Variants in IP6K1 observed in about 807,000 individuals in gnomAD.
IP6K1 encodes the protein ATP:1D-myo-inositol-hexakisphosphate phosphotransferase.
Under a neutral mutation model 38.3 loss-of-function variants are expected in IP6K1, and 13 were observed. That is an observed-to-expected ratio of 0.34 (90% confidence interval 0.22 to 0.54). IP6K1 has a LOEUF of 0.54. IP6K1 is among the 20% of genes least tolerant of loss of function. IP6K1 has a pLI of 0.92. For missense variants in IP6K1, 397 were observed against 599.8 expected (o/e 0.66, Z 3.53); for synonymous variants, 212 against 229.9 (o/e 0.92, Z 0.70).
chr3:49,766,822 G>A (rs908877442), intron 1 of IP6K1, among the ~76,000 whole-genome samples: 9 of 150,662 alleles, frequency 6.0e-5, no homozygotes, highest in Non-Finnish European at 3.0e-5. Context: ...AAAAATTAGC[G>A]GGCATGGTGG....
At chr3:49,752,552 G>A (rs1023368890) in intron 1 of IP6K1, among the ~76,000 whole-genome samples, 4 of 150,260 alleles carry the variant, frequency 2.7e-5, no homozygotes, top group South Asian at 2.1e-4. Context: ...TGTGAGTTTC[G>A]CTCTTGTTGC....
chr3:49,744,332 G>T (rs916313847), intron 2 of IP6K1, among the ~76,000 whole-genome samples: 2 of 149,732 alleles, frequency 1.3e-5, no homozygotes, highest in Non-Finnish European at 3.0e-5. Flanking sequence ...AACCCGGGGG[G>T]CAGAGCTTGC....
intron 1 of IP6K1, among the ~76,000 whole-genome samples, chr3:49,749,830 CTTTT>C (rs35363121): frequency 1.1e-4 from 12 of 109,622 alleles, no homozygotes; most frequent in East Asian, 5.6e-4. Context: ...ACATACACTT[CTTTT>C]TTTTTTTTTT....
intron 1 of IP6K1, among the ~76,000 whole-genome samples, chr3:49,765,958 C>T (rs1401286851): frequency 2.6e-5 from 4 of 151,678 alleles, no homozygotes; most frequent in African/African-American, 9.7e-5. Context: ...GGGCAGATGA[C>T]GAGGTCAGGA....
chr3:49,730,807 CTT>C (rs1480313651), intron 4 of IP6K1, among the ~76,000 whole-genome samples: 2 of 152,144 alleles, frequency 1.3e-5, no homozygotes, highest in African/African-American at 4.8e-5. Flanking sequence ...ACCTCCGCCT[CTT>C]GAGTTCAAAT....
At chr3:49,728,438 C>T in intron 4 of IP6K1, 160 bp from the exon 5 acceptor site, 4 of 620,772 alleles carry the variant, frequency 6.4e-6, no homozygotes. Flanking sequence ...TATTACTTAA[C>T]CAATAAAAAC....
At chr3:49,752,488 CA>C (rs56885374) in intron 1 of IP6K1, among the ~76,000 whole-genome samples, 17 of 141,742 alleles carry the variant, frequency 1.2e-4, no homozygotes, top group Non-Finnish European at 1.5e-4. Context: ...GACTCCATCT[CA>C]AAAAAAAAAA....
At chr3:49,740,013 A>G (rs1473369638) in intron 2 of IP6K1, among the ~76,000 whole-genome samples, 1 of 152,050 alleles carries the variant, frequency 6.6e-6, no homozygotes, top group African/African-American at 2.4e-5. Context: ...AAAATAAAAT[A>G]AAAATAAAAT....
chr3:49,766,984 A>AG (rs1559713238), intron 1 of IP6K1, among the ~76,000 whole-genome samples: 8 of 145,762 alleles, frequency 5.5e-5, no homozygotes, highest in East Asian at 1.9e-4. Flanking sequence ...AAAAAAAAAA[A>AG]AAAGAAAGAA....
chr3:49,767,804 A>G (rs2080924314), intron 1 of IP6K1, among the ~76,000 whole-genome samples: 1 of 152,164 alleles, frequency 6.6e-6, no homozygotes, highest in South Asian at 2.1e-4. Context: ...ATAGCAGAAA[A>G]TATCTGCAGA....
chr3:49,731,749 G>A (rs1018684266), intron 4 of IP6K1, among the ~76,000 whole-genome samples: 1 of 151,954 alleles, frequency 6.6e-6, no homozygotes, highest in Non-Finnish European at 1.5e-5. Context: ...TAGGCTGGGC[G>A]TGGTGGCGCA....
rs765008760 is a variant in IP6K1, at chr3:49,747,918, A to G, written c.123T>C (p.Arg41=). The G allele has an allele frequency of 6.2e-7, 1 of 1,614,206 alleles. No homozygotes were observed. The highest frequency in any genetic ancestry group is 8.5e-7 in the Non-Finnish European group (1 of 1,180,028). Residue 41 remains arginine (R), a synonymous_variant, in exon 2 of 6, where the codon CGT becomes CGC. Coordinates refer to ENST00000321599, the MANE Select transcript of IP6K1 (RefSeq NM_153273.4). The part of the protein sequence containing the change: ...HQVGGHSSMM[R]YDDHTVCKPL... ...GCTTGCACACAGTGTGATCGTCGTA[A>G]CGCATCATGCTGCTGTGTCCGCCTA...
In IP6K1 at chr3:49,727,297, T is replaced by A; in HGVS notation, c.1151A>T (p.Glu384Val). 1.2e-6 allele frequency: 2 copies of A among 1,614,162 alleles called. No homozygotes were observed. Among genetic ancestry groups the A allele is most frequent in the Non-Finnish European group, 1.7e-6 (2 of 1,180,016 alleles). ...CTTGGGCTGAGAGGAGGGACCCGCC[T>A]CGGGGCTGGTGTTGCTGGGGCTGGT... ...PSTSPSNTSP[E>V]AGPSSQPKVD... is the part of the protein sequence containing the mutation. Residue 384 changes from glutamate (E) to valine (V), a missense_variant, in exon 6 of 6, where the codon GAG becomes GTG. Transcript: ENST00000321599. The surrounding 1 kb of genome is among the most constrained non-coding windows in gnomAD (Gnocchi z 5.9).
intron 3 of IP6K1, 71 bp from the exon 4 acceptor site, chr3:49,733,043 G>A (rs533387040): frequency 8.4e-6 from 10 of 1,187,850 alleles, no homozygotes; most frequent in African/African-American, 3.0e-5. Context: ...GCTGCACAGG[G>A]CACAGATCTG....
intron 1 of IP6K1, among the ~76,000 whole-genome samples, chr3:49,778,469 C>A (rs913144731): frequency 6.6e-6 from 1 of 151,892 alleles, no homozygotes; most frequent in Non-Finnish European, 1.5e-5. Flanking sequence ...TTCGTCTCTA[C>A]TAAAAATACA....
intron 2 of IP6K1, among the ~76,000 whole-genome samples, chr3:49,742,931 A>G (rs924030358): frequency 3.3e-5 from 5 of 152,080 alleles, no homozygotes; most frequent in African/African-American, 9.7e-5. Flanking sequence ...AAAATTTTAT[A>G]TTAAAAAAAC....
rs566477238 is a variant in IP6K1 at position 49,758,936 on chromosome 3, G to T, written c.-128-10768C>A. 2.1e-5 allele frequency among the ~76,000 whole-genome samples: 3 copies of T among 140,496 alleles called. No individual in the cohort carries two copies. In the South Asian group the frequency reaches 7.5e-4, roughly 35 times the overall value. 92.2% of individuals were successfully genotyped at this position (140,496 alleles called of 152,430 possible). A position where few individuals can be genotyped will look rare whatever the true frequency, so the allele number is the denominator to read the frequency against. On this transcript the variant is annotated intron_variant, in intron 1 of 5. Coordinates refer to ENST00000321599, the MANE Select transcript of IP6K1 (RefSeq NM_153273.4). ...AGATCCAGCCTGGATGACAGAGCGA[G>T]ACTCTGTCTCAAAAAAAAAAAATAC...
rs1308817880 is a variant in IP6K1 at position 49,728,090 on chromosome 3, A to T, written c.792+13T>A. The T allele has an allele frequency of 3.1e-6, 5 of 1,609,388 alleles. No individual in the cohort carries two copies. The highest frequency in any genetic ancestry group is 4.2e-6 in the Non-Finnish European group (5 of 1,176,956). Reference sequence around the variant, plus strand: ...AAGTGGCAGCACCTAGGCTCTGAGCAGAGGTAACTCACCTGCATGCCGCAG... The same window carrying T: ...AAGTGGCAGCACCTAGGCTCTGAGCTGAGGTAACTCACCTGCATGCCGCAG... On this transcript the variant is annotated intron_variant, in intron 5 of 5. Coordinates refer to ENST00000321599, the MANE Select transcript of IP6K1 (RefSeq NM_153273.4).
intron 1 of IP6K1, among the ~76,000 whole-genome samples, chr3:49,763,606 A>AATATG (rs1373830582): frequency 7.2e-5 from 11 of 152,236 alleles, no homozygotes; most frequent in Non-Finnish European, 1.6e-4. Flanking sequence ...CTAAAGAATC[A>AATATG]ATCAGTATTA....
Sources: allele counts gnomAD v4.1 joint callset (sites outside exome capture counted in the v4.1 genomes callset), GRCh38; gene constraint gnomAD v4.1.1; non-coding constraint Gnocchi (gnomAD v3.1); transcripts MANE v1.5; gene names NCBI Gene and HGNC (gene_info 2026-07-23, HGNC 2026-07-21).